CHST1: variants seen among roughly 807,000 people sequenced by gnomAD.
CHST1 encodes the protein Keratan sulfotransferase.
Under a neutral mutation model 22.5 loss-of-function variants are expected in CHST1, and 10 were observed. The observed-to-expected ratio is 0.44, with a 90% CI of 0.27 to 0.75. CHST1 has a LOEUF of 0.75. Ranked by LOEUF, CHST1 falls within the 30% of genes least tolerant of loss-of-function variation. The pLI, the probability that CHST1 is intolerant of heterozygous loss-of-function variation, is 0.15. For missense variants in CHST1, 439 were observed against 576.1 expected (o/e 0.76, Z 2.44); for synonymous variants, 267 against 264.5 (o/e 1.01, Z -0.09).
chr11:45,662,259 G>A lies in CHST1; in HGVS notation c.-227+2919C>T, dbSNP rs45440693. 2.7e-3 allele frequency among the ~76,000 whole-genome samples: 406 copies of A among 152,226 alleles called. 3 individuals carry two copies. The highest frequency in any genetic ancestry group is 9.4e-3 in the African/African-American group (392 of 41,532). On this transcript the variant is annotated intron_variant, in intron 1 of 3. Transcript: ENST00000308064. ...GGACCTCTTCTGCTCCTCTCCATCT[G>A]CCTCAACCCCTAGGGGCTCCAGGGC...
At chr11:45,660,505 C>A (rs984403303) in intron 1 of CHST1, among the ~76,000 whole-genome samples, 5 of 152,188 alleles carry the variant, frequency 3.3e-5, no homozygotes, top group African/African-American at 7.2e-5. Context: ...TCCTGGGCAG[C>A]CTTAACACTT....
Position 45,649,884 on chromosome 11 carries a change from T to C in CHST1, c.1040A>G (p.Tyr347Cys). The C allele has an allele frequency of 6.2e-7, 1 of 1,611,380 alleles. No individual in the cohort carries two copies. The highest frequency in any genetic ancestry group is 1.1e-5 in the South Asian group (1 of 91,068). The part of the protein sequence containing the change: ...RGDPTLGKHK[Y>C]GTVRNSAATA... ...GGCCGCCGAGTTTCGCACGGTGCCGTATTTGTGCTTGCCCAGGGTGGGGTC... is the reference window on the plus strand; with the variant it reads ...GGCCGCCGAGTTTCGCACGGTGCCGCATTTGTGCTTGCCCAGGGTGGGGTC... Residue 347 changes from tyrosine to cysteine, a missense_variant, in exon 4 of 4, where the codon TAC (tyrosine) becomes TGC (cysteine). By Grantham distance (194) the Tyr-to-Cys change is radical. Coordinates refer to ENST00000308064, the MANE Select transcript of CHST1 (RefSeq NM_003654.6).
At chr11:45,658,112 C>T (rs937884818) in intron 1 of CHST1, among the ~76,000 whole-genome samples, 8 of 152,284 alleles carry the variant, frequency 5.3e-5, no homozygotes, top group East Asian at 1.9e-4. Context: ...GGGAGGCAGT[C>T]GGAGGGGTAG....
intron 1 of CHST1, among the ~76,000 whole-genome samples, chr11:45,655,538 G>A (rs1306137401): frequency 2.0e-5 from 3 of 152,254 alleles, no homozygotes; most frequent in Non-Finnish European, 4.4e-5. Context: ...GCAGCCAGCG[G>A]GAGGTGATGT....
intron 1 of CHST1, among the ~76,000 whole-genome samples, chr11:45,656,714 TC>T (rs1323934737): frequency 7.3e-6 from 1 of 136,392 alleles, no homozygotes; most frequent in Non-Finnish European, 1.6e-5. Context: ...TCACTGTGCC[TC>T]CCACCCTCCC....
rs767901357 is a variant in CHST1 at position 45,650,539 on chromosome 11, C to G, written c.385G>C (p.Asp129His). Residue 129 changes from aspartate to histidine, a missense_variant, in exon 4 of 4, where the codon GAC (aspartate) becomes CAC (histidine). Asp to His is a moderately conservative substitution (Grantham distance 81). Transcript: ENST00000308064. ...TTCTCCAGGAAGTAGAGGTCGCAGT[C>G]GTAGAGGCTCCGCAGGAGGTCGCGG... is the stretch of plus-strand genomic sequence containing the variant. Reference protein sequence around the residue: ...ASRDLLRSLYDCDLYFLENYI... With the variant: ...ASRDLLRSLYHCDLYFLENYI... 6.2e-7 allele frequency: 1 copy of G among 1,613,928 alleles called. No individual in the cohort carries two copies. The highest frequency in any genetic ancestry group is 8.5e-7 in the Non-Finnish European group (1 of 1,179,980).
Position 45,649,505 on chromosome 11 carries a change from G to A in CHST1, c.*183C>T, listed in dbSNP as rs1028825667. 3.1e-6 allele frequency: 2 copies of A among 649,826 alleles called. No individual in the cohort carries two copies. The highest frequency in any genetic ancestry group is 3.7e-5 in the African/African-American group (2 of 54,398). 40.3% of individuals were successfully genotyped at this position (649,826 alleles called of 1,614,324 possible). On this transcript the variant is annotated 3_prime_UTR_variant, in exon 4 of 4. Transcript: ENST00000308064. Reference sequence around the variant, plus strand: ...GGCGCCCTCTGCCCCAGTGATTCCCGTCCAAGACGTAGTGCAAATTTCAGA... The same window carrying A: ...GGCGCCCTCTGCCCCAGTGATTCCCATCCAAGACGTAGTGCAAATTTCAGA...
chr11:45,651,213 C>T (rs1436618756), intron 3 of CHST1: 3 of 306,650 alleles, frequency 9.8e-6, no homozygotes, highest in African/African-American at 2.1e-5. Context: ...CTGCGGAAGC[C>T]TCTTATCCTG....
chr11:45,654,006 C>T (rs547932504), intron 1 of CHST1, among the ~76,000 whole-genome samples: 5 of 152,334 alleles, frequency 3.3e-5, no homozygotes, highest in Admixed American at 6.5e-5. Flanking sequence ...AGGAAGTCCA[C>T]GTTCAAATCC....
intron 1 of CHST1, among the ~76,000 whole-genome samples, chr11:45,659,804 C>A (rs7105647): frequency 0.96 from 145,803 of 152,280 alleles, 69,810 homozygotes; most frequent in East Asian, 1. Flanking sequence ...AAGACACCAA[C>A]GAATGTCTTT....
chr11:45,663,921 C>A (rs1297407786), intron 1 of CHST1, among the ~76,000 whole-genome samples: 7 of 152,178 alleles, frequency 4.6e-5, no homozygotes, highest in Admixed American at 2.6e-4. Flanking sequence ...ACGATGAAAG[C>A]ACTTTGAAAA....
rs1237654601 is a variant in CHST1 at position 45,665,439 on chromosome 11, G to A, written c.-488C>T. The A allele has an allele frequency of 1.3e-4, 19 of 151,792 alleles. No homozygotes were observed. The highest frequency in any genetic ancestry group is 1.2e-3 in the Admixed American group (19 of 15,272). The allele number at this position is 151,792 out of a possible 1,614,324, so 9.4% of individuals were successfully genotyped here. ...CAGCTGAGTGCGTTCTCTCCGGCCGGACGCGGGACCCGGGGCCGGGGCTCA... is the reference window on the plus strand; with the variant it reads ...CAGCTGAGTGCGTTCTCTCCGGCCGAACGCGGGACCCGGGGCCGGGGCTCA... On this transcript the variant is annotated 5_prime_UTR_variant, in exon 1 of 4. Transcript: ENST00000308064. The surrounding 1 kb of genome is among the most constrained non-coding windows in gnomAD (Gnocchi z 4.0).
intron 1 of CHST1, among the ~76,000 whole-genome samples, chr11:45,657,234 G>A (rs755936339): frequency 4.6e-5 from 7 of 152,146 alleles, no homozygotes; most frequent in Non-Finnish European, 7.3e-5. Context: ...CCCCATGAAT[G>A]TTTTAGTTAA....
rs893573741 is a variant in CHST1, at chr11:45,651,068, C to G, written c.-42-103G>C. 59 of 803,334 alleles carry G rather than the reference C, an allele frequency of 7.3e-5. 1 individual carries two copies. The African/African-American group carries it at 7.4e-4, about 10-fold the overall frequency. 49.8% of individuals were successfully genotyped at this position (803,334 alleles called of 1,614,324 possible). A position where few individuals can be genotyped will look rare whatever the true frequency, so the allele number is the denominator to read the frequency against. Reference sequence around the variant, plus strand: ...AAGGGGCCCAGGGAAAGGCCCGGCTCCTGTCCAGTGCTCACCACACACCCT... The same window carrying G: ...AAGGGGCCCAGGGAAAGGCCCGGCTGCTGTCCAGTGCTCACCACACACCCT... On this transcript the variant is annotated intron_variant, in intron 3 of 3. Coordinates refer to ENST00000308064, the MANE Select transcript of CHST1 (RefSeq NM_003654.6).
At chr11:45,654,936 C>T (rs556551066) in intron 1 of CHST1, among the ~76,000 whole-genome samples, 1 of 152,284 alleles carries the variant, frequency 6.6e-6, no homozygotes, top group South Asian at 2.1e-4. Flanking sequence ...GGTGTGTGGG[C>T]GTGGGTGATT....
chr11:45,650,228 C>T lies in CHST1; in HGVS notation c.696G>A (p.Leu232=). The T allele has an allele frequency of 6.2e-7, 1 of 1,609,658 alleles. No homozygotes were observed. Among genetic ancestry groups the T allele is most frequent in the Non-Finnish European group, 8.5e-7 (1 of 1,179,886 alleles). The change falls in exon 4 of 4, where the codon CTG becomes CTA. Residue 232 remains leucine (L), a synonymous_variant. Transcript: ENST00000308064. ...CCAGAATGCCGCGGGGGTCTCGGAC[C>T]AGCTGGATGACCTTGAGGTTTAATC... is the stretch of plus-strand genomic sequence containing the variant. ...DPRLNLKVIQ[L]VRDPRGILAS...
rs755387798 is a variant in CHST1, at chr11:45,650,410, C to T, written c.514G>A (p.Ala172Thr). ...SRPVCDPPGPADLVLEEGDCV... is the reference protein window; with the variant it reads ...SRPVCDPPGPTDLVLEEGDCV... ...TCCCCCTCCTCCAGGACCAGGTCGG[C>T]TGGCCCCGGAGGGTCGCACACAGGC... Residue 172 changes from alanine (A) to threonine (T), a missense_variant, in exon 4 of 4, where the codon GCC (alanine) becomes ACC (threonine). Physicochemically the swap from Ala to Thr is moderately conservative, Grantham distance 58 (BLOSUM62 0). Coordinates refer to ENST00000308064, the MANE Select transcript of CHST1 (RefSeq NM_003654.6). 4 of 1,606,632 alleles carry T rather than the reference C, an allele frequency of 2.5e-6. No homozygotes were observed. Among genetic ancestry groups the T allele is most frequent in the Non-Finnish European group, 2.5e-6 (3 of 1,179,704 alleles).
Position 45,649,379 on chromosome 11 carries a change from T to C in CHST1, c.*309A>G. On this transcript the variant is annotated 3_prime_UTR_variant, in exon 4 of 4. Coordinates refer to ENST00000308064, the MANE Select transcript of CHST1 (RefSeq NM_003654.6). ...CCTCGCGAGTGCCCGTGTGCGTGTG[T>C]GGATGTGTAAATGTGGTGCTTGTAA... 5.2e-6 allele frequency: 2 copies of C among 385,698 alleles called. No individual in the cohort carries two copies. Among genetic ancestry groups the C allele is most frequent in the Admixed American group, 4.4e-5 (1 of 22,908 alleles). 23.9% of individuals were successfully genotyped at this position (385,698 alleles called of 1,614,324 possible). A position where few individuals can be genotyped will look rare whatever the true frequency, so the allele number is the denominator to read the frequency against.
In CHST1 at chr11:45,650,196, C is replaced by A; in HGVS notation, c.728G>T (p.Arg243Leu). ...VRDPRGILASRSETFRDTYRL... is the reference protein window; with the variant it reads ...VRDPRGILASLSETFRDTYRL... ...GTACGTGTCGCGGAAGGTCTCGCTG[C>A]GCGAAGCCAGAATGCCGCGGGGGTC... The change falls in exon 4 of 4, where the codon CGC (arginine) becomes CTC (leucine). Residue 243 changes from arginine to leucine, a missense_variant. Transcript: ENST00000308064. The A allele has an allele frequency of 6.2e-7, 1 of 1,611,808 alleles. No individual in the cohort carries two copies. Among genetic ancestry groups the A allele is most frequent in the Non-Finnish European group, 8.5e-7 (1 of 1,179,996 alleles).
Sources: gnomAD v4.1 joint callset for allele counts (sites outside exome capture counted in the v4.1 genomes callset) on GRCh38, gnomAD v4.1.1 for gene constraint, Gnocchi (gnomAD v3.1) non-coding constraint, MANE v1.5 for transcripts, NCBI Gene and HGNC (gene_info 2026-07-23, HGNC 2026-07-21) for gene names.